Variants in EGLN1 observed in about 807,000 individuals in gnomAD.
The protein encoded by EGLN1 is egl nine homolog 1.
A neutral mutation model predicts 38.3 loss-of-function variants in EGLN1; 17 were observed. The observed-to-expected ratio is 0.44, with a 90% confidence interval of 0.30 to 0.67. The LOEUF (loss-of-function observed/expected upper bound fraction) is 0.67, where lower values mean the gene tolerates loss of function less well. EGLN1 is among the 30% of genes least tolerant of loss of function. EGLN1 has a pLI of 0.08. For missense variants in EGLN1, 477 were observed against 603.3 expected (o/e 0.79, Z 2.19); for synonymous variants, 283 against 257.5 (o/e 1.10, Z -0.95).
At chr1:231,388,076 T>C (rs960882270) in intron 1 of EGLN1, among the ~76,000 whole-genome samples, 1 of 152,308 alleles carries the variant, frequency 6.6e-6, no homozygotes, top group African/African-American at 2.4e-5. Flanking sequence ...AAATGTCTTG[T>C]TGACAAAAGA....
Position 231,374,079 on chromosome 1 carries a change from C to T in EGLN1, c.912G>A (p.Pro304=). Residue 304 remains proline (P), a synonymous_variant, in exon 2 of 5, where the codon CCG becomes CCA. Coordinates refer to ENST00000366641, the MANE Select transcript of EGLN1 (RefSeq NM_022051.3). ...GRTKAMVACY[P]GNGTGYVRHV... The stretch of plus-strand genomic sequence containing the variant: ...GACGTACATAACCCGTTCCATTGCC[C>T]GGATAACAAGCAACCATGGCCTGTA... The T allele has an allele frequency of 1.2e-6, 2 of 1,613,310 alleles. No individual in the cohort carries two copies. Among genetic ancestry groups the T allele is most frequent in the South Asian group, 1.1e-5 (1 of 91,020 alleles).
intron 1 of EGLN1, among the ~76,000 whole-genome samples, chr1:231,396,751 C>T (rs111443736): frequency 7.9e-5 from 12 of 152,272 alleles, no homozygotes; most frequent in African/African-American, 2.9e-4. Context: ...TCTGTCTTCC[C>T]TGGCCTTCAC....
At position 231,421,309 on chromosome 1, in the gene EGLN1, C is replaced by T; in HGVS notation, c.580G>A (p.Ala194Thr). The change falls in exon 1 of 5, where the codon GCG (alanine) becomes ACG (threonine). Residue 194 changes from alanine (A) to threonine (T), a missense_variant. By Grantham distance (58) the Ala-to-Thr change is moderately conservative. This residue lies in a region of EGLN1 where 119 missense variants were observed against 179.0 expected (regional missense o/e 0.66). Transcript: ENST00000366641. The surrounding 1 kb of genome is among the most constrained non-coding windows in gnomAD (Gnocchi z 5.5). ...ATGCACGGCACGATGTACTCGAGCG[C>T]CAGCTTCAGCGCCGGCAGGGGCTTC... Reference protein sequence around the residue: ...QTKPLPALKLALEYIVPCMNK... With the variant: ...QTKPLPALKLTLEYIVPCMNK... 2 of 1,612,922 alleles carry T rather than the reference C, an allele frequency of 1.2e-6. No homozygotes were observed. The highest frequency in any genetic ancestry group is 1.7e-6 in the Non-Finnish European group (2 of 1,179,826).
At chr1:231,416,260 AGTG>A (rs1221588093) in intron 1 of EGLN1, among the ~76,000 whole-genome samples, 1 of 151,724 alleles carries the variant, frequency 6.6e-6, no homozygotes, top group African/African-American at 2.4e-5. Context: ...AGCCTCCCAG[AGTG>A]TTGGGAATTA....
intron 1 of EGLN1, among the ~76,000 whole-genome samples, chr1:231,389,006 CT>C (rs2102912829): frequency 6.6e-6 from 1 of 152,228 alleles, no homozygotes; most frequent in South Asian, 2.1e-4. Context: ...ATAAAGGAAT[CT>C]TATTAATGTA....
At chr1:231,402,914 A>AG (rs1410068510) in intron 1 of EGLN1, among the ~76,000 whole-genome samples, 3 of 151,974 alleles carry the variant, frequency 2.0e-5, no homozygotes, top group Non-Finnish European at 2.9e-5. Context: ...TTTATTAAAA[A>AG]AAAAAAATCA....
chr1:231,404,979 C>A (rs1688750895), intron 1 of EGLN1, among the ~76,000 whole-genome samples: 1 of 152,002 alleles, frequency 6.6e-6, no homozygotes, highest in African/African-American at 2.4e-5. Context: ...GCCTAAGCAA[C>A]AATAGATTCG....
chr1:231,414,256 T>C (rs1047168745), intron 1 of EGLN1, among the ~76,000 whole-genome samples: 2 of 152,134 alleles, frequency 1.3e-5, no homozygotes, highest in Admixed American at 6.5e-5. Context: ...TGCCCAAGAA[T>C]GTGCTAGAAT....
chr1:231,399,714 G>C (rs946945587), intron 1 of EGLN1, among the ~76,000 whole-genome samples: 1 of 152,144 alleles, frequency 6.6e-6, no homozygotes, highest in African/African-American at 2.4e-5. Flanking sequence ...ATAAATATGA[G>C]AAGGCAGATA....
At chr1:231,394,214 T>C (rs374834995) in intron 1 of EGLN1, among the ~76,000 whole-genome samples, 64 of 152,176 alleles carry the variant, frequency 4.2e-4, no homozygotes, top group African/African-American at 1.4e-3. Context: ...GAAAAAGTTA[T>C]AATTATGCAG....
At chr1:231,386,968 C>T (rs796066694) in intron 1 of EGLN1, among the ~76,000 whole-genome samples, 4 of 152,174 alleles carry the variant, frequency 2.6e-5, no homozygotes, top group African/African-American at 9.6e-5. Context: ...GGGAGTAATC[C>T]TCCTGCCTCA....
chr1:231,412,504 C>A (rs1688979538), intron 1 of EGLN1, among the ~76,000 whole-genome samples: 3 of 152,186 alleles, frequency 2.0e-5, no homozygotes, highest in African/African-American at 7.2e-5. Context: ...GATTCACAAG[C>A]CATCTTGAAT....
At chr1:231,395,032 G>A (rs1300612814) in intron 1 of EGLN1, among the ~76,000 whole-genome samples, 1 of 152,098 alleles carries the variant, frequency 6.6e-6, no homozygotes. Flanking sequence ...GGGGAATAAC[G>A]TTCTTCATGT....
In EGLN1 at chr1:231,421,617, C is replaced by T. The variant is rs1180795317; in HGVS notation, c.272G>A (p.Arg91Gln). The change falls in exon 1 of 5, where the codon CGG becomes CAG. Residue 91 changes from arginine to glutamine, a missense_variant. By Grantham distance (43) the Arg-to-Gln change is conservative. Transcript: ENST00000366641. The surrounding 1 kb of genome is among the most constrained non-coding windows in gnomAD (Gnocchi z 5.5). ...AAVPPPRAGA[R>Q]EPRKAAARRD... ...GCGCGCCGCTGCCTTCCTGGGCTCCCGGGCCCCGGCCCTGGGCGGCGGCAC... is the reference window on the plus strand; with the variant it reads ...GCGCGCCGCTGCCTTCCTGGGCTCCTGGGCCCCGGCCCTGGGCGGCGGCAC... The T allele has an allele frequency of 2.9e-6, 4 of 1,359,928 alleles. No individual in the cohort carries two copies. Among genetic ancestry groups the T allele is most frequent in the Non-Finnish European group, 2.8e-6 (3 of 1,065,684 alleles). The allele number at this position is 1,359,928 out of a possible 1,614,324, so 84.2% of individuals were successfully genotyped here.
In EGLN1 at chr1:231,366,315, T is replaced by C. The variant is rs1687642595; in HGVS notation, c.*96A>G. ...GTTTCCTTATTAAAATGCGAACTGGTTGTCTATTTTTCTTTATCCCATTTA... is the reference window on the plus strand; with the variant it reads ...GTTTCCTTATTAAAATGCGAACTGGCTGTCTATTTTTCTTTATCCCATTTA... On this transcript the variant is annotated 3_prime_UTR_variant, in exon 5 of 5. Transcript: ENST00000366641. 4 of 1,359,836 alleles carry C rather than the reference T, an allele frequency of 2.9e-6. No individual in the cohort carries two copies. The highest frequency in any genetic ancestry group is 1.2e-5 in the South Asian group (1 of 83,656). The allele number at this position is 1,359,836 out of a possible 1,614,324, so 84.2% of individuals were successfully genotyped here.
chr1:231,421,112 G>A lies in EGLN1; in HGVS notation c.777C>T (p.Ile259=). Residue 259 remains isoleucine (I), a synonymous_variant, in exon 1 of 5, where the codon ATC becomes ATT. Transcript: ENST00000366641. This position sits in a 1 kb window ranked among gnomAD's most constrained non-coding sequence, Gnocchi z 5.5. ...KDIRGDKITW[I]EGKEPGCETI... ...TTTCGCAGCCGGGCTCCTTGCCCTC[G>A]ATCCAGGTGATCTTATCGCCTCGGA... 1 of 1,614,176 alleles carries A rather than the reference G, an allele frequency of 6.2e-7. No individual in the cohort carries two copies. Among genetic ancestry groups the A allele is most frequent in the Non-Finnish European group, 8.5e-7 (1 of 1,180,020 alleles).
Position 231,421,946 on chromosome 1 carries a change from G to T in EGLN1, c.-58C>A. On this transcript the variant is annotated 5_prime_UTR_variant, in exon 1 of 5. Transcript: ENST00000366641. The surrounding 1 kb of genome is among the most constrained non-coding windows in gnomAD (Gnocchi z 5.5). Reference sequence around the variant, plus strand: ...CGGCCGAGCAGGAGGGGTAGCGGCCGGACGGCCTCGCCCGAGGCTGGGGAG... The same window carrying T: ...CGGCCGAGCAGGAGGGGTAGCGGCCTGACGGCCTCGCCCGAGGCTGGGGAG... 1 of 1,337,584 alleles carries T rather than the reference G, an allele frequency of 7.5e-7. No individual in the cohort carries two copies. 82.9% of individuals were successfully genotyped at this position (1,337,584 alleles called of 1,614,324 possible).
chr1:231,395,974 T>C (rs930734739), intron 1 of EGLN1, among the ~76,000 whole-genome samples: 1 of 151,588 alleles, frequency 6.6e-6, no homozygotes, highest in African/African-American at 2.4e-5. Flanking sequence ...CTTTCTGACT[T>C]TGCTCCCACA....
At position 231,421,816 on chromosome 1, in the gene EGLN1, C is replaced by A; in HGVS notation, c.73G>T (p.Gly25Trp). The change falls in exon 1 of 5, where the codon GGG becomes TGG. Residue 25 changes from glycine (G) to tryptophan (W), a missense_variant. By Grantham distance (184) the Gly-to-Trp change is radical. This residue lies in a region of EGLN1 where 298 missense variants were observed against 288.9 expected (regional missense o/e 1.03). Transcript: ENST00000366641. The surrounding 1 kb of genome is among the most constrained non-coding windows in gnomAD (Gnocchi z 5.5). ...ERDRQYCELCGKMENLLRCSR... is the reference protein window; with the variant it reads ...ERDRQYCELCWKMENLLRCSR... ...CAGCGCAGCAGGTTCTCCATCTTCCCGCACAGCTCGCAGTACTGCCGGTCT... is the reference window on the plus strand; with the variant it reads ...CAGCGCAGCAGGTTCTCCATCTTCCAGCACAGCTCGCAGTACTGCCGGTCT... 1 of 1,547,628 alleles carries A rather than the reference C, an allele frequency of 6.5e-7. No homozygotes were observed. Among genetic ancestry groups the A allele is most frequent in the East Asian group, 2.5e-5 (1 of 39,568 alleles).
Sources: allele counts gnomAD v4.1 joint callset (sites outside exome capture counted in the v4.1 genomes callset), GRCh38; gene constraint gnomAD v4.1.1; regional missense constraint gnomAD v4.1.1; non-coding constraint Gnocchi (gnomAD v3.1); transcripts MANE v1.5; gene names NCBI Gene and HGNC (gene_info 2026-07-23, HGNC 2026-07-21).